The following IQSEC1 variants were observed in gnomAD, a reference collection of about 807,000 sequenced individuals.
IQSEC1 encodes the protein IQ motif and SEC7 domain-containing protein 1.
A neutral mutation model predicts 91.0 loss-of-function variants in IQSEC1; 31 were observed. The ratio of observed to expected loss-of-function variants is 0.34; its 90% confidence interval spans 0.26 to 0.46. The LOEUF (loss-of-function observed/expected upper bound fraction) is 0.46, where lower values mean the gene tolerates loss of function less well. Ranked by LOEUF, IQSEC1 falls within the 20% of genes least tolerant of loss-of-function variation. The pLI is 1.00. For synonymous variants in IQSEC1, 699 were observed against 662.6 expected (o/e 1.05, Z -0.84); for missense variants, 1,388 against 1,575.6 (o/e 0.88, Z 2.02).
rs1696519267 is a variant in IQSEC1 at position 12,920,452 on chromosome 3, C to T, written c.1998G>A (p.Glu666=). ...CACCTCGGAGGTTCTTGATGAAGTCCTCTAGCTTCATTTTCCGCTCGGGCT... is the reference window on the plus strand; with the variant it reads ...CACCTCGGAGGTTCTTGATGAAGTCTTCTAGCTTCATTTTCCGCTCGGGCT... ...NVKPERKMKL[E]DFIKNLRGVD... Residue 666 remains glutamate (E), a synonymous_variant, in exon 6 of 14, where the codon GAG becomes GAA. Coordinates refer to ENST00000613206, the MANE Select transcript of IQSEC1 (RefSeq NM_001134382.3). 6.2e-7 allele frequency: 1 copy of T among 1,614,088 alleles called. No individual in the cohort carries two copies. The highest frequency in any genetic ancestry group is 1.3e-5 in the African/African-American group (1 of 74,950).
intron 2 of IQSEC1, among the ~76,000 whole-genome samples, chr3:13,163,472 C>T (rs2124985020): frequency 6.6e-6 from 1 of 152,174 alleles, no homozygotes; most frequent in East Asian, 1.9e-4. Flanking sequence ...TCTTGGTCCC[C>T]CAGCTCATGC....
At chr3:13,005,049 G>GCTTT (rs1327904750) in intron 1 of IQSEC1, among the ~76,000 whole-genome samples, 3 of 152,156 alleles carry the variant, frequency 2.0e-5, no homozygotes, top group African/African-American at 7.2e-5. Flanking sequence ...AATAGAAGCT[G>GCTTT]CTTTGATAAA....
At chr3:12,958,043 A>AGGGGTGAGGC (rs958967787) in intron 1 of IQSEC1, among the ~76,000 whole-genome samples, 3 of 152,170 alleles carry the variant, frequency 2.0e-5, no homozygotes, top group African/African-American at 7.2e-5. Flanking sequence ...GAAAGTGAGG[A>AGGGGTGAGGC]GGGGTGAGGC....
chr3:12,944,580 C>A lies in IQSEC1; in HGVS notation c.24-2715G>T, dbSNP rs77321106. On this transcript the variant is annotated intron_variant, in intron 1 of 13. Transcript: ENST00000613206. Reference sequence around the variant, plus strand: ...TCCGGCTCGCCTCGTCTTTGCAGCCCGAGGGCACATCACACACGCCCGGGA... The same window carrying A: ...TCCGGCTCGCCTCGTCTTTGCAGCCAGAGGGCACATCACACACGCCCGGGA... Among the ~76,000 whole-genome samples, 12 of 152,338 alleles carry A rather than the reference C, an allele frequency of 7.9e-5. No homozygotes were observed. The East Asian group carries it at 2.3e-3, about 29-fold the overall frequency.
chr3:13,229,444 T>A (rs1694807831), intron 1 of IQSEC1, among the ~76,000 whole-genome samples: 1 of 152,106 alleles, frequency 6.6e-6, no homozygotes, highest in South Asian at 2.1e-4. Flanking sequence ...GCCTTCTGTG[T>A]GACAATTTAA....
intron 1 of IQSEC1, among the ~76,000 whole-genome samples, chr3:13,042,107 A>G (rs890239437): frequency 2.0e-5 from 3 of 152,244 alleles, no homozygotes; most frequent in African/African-American, 7.2e-5. Flanking sequence ...GAGGGAGAGG[A>G]AAGAATAGTT....
chr3:13,030,718 T>C (rs1703812012), intron 1 of IQSEC1, among the ~76,000 whole-genome samples: 1 of 152,264 alleles, frequency 6.6e-6, no homozygotes, highest in Non-Finnish European at 1.5e-5. Flanking sequence ...TGGGTCTTGT[T>C]AGGGCCCTGA....
chr3:12,959,406 A>G (rs1700109179), intron 1 of IQSEC1, among the ~76,000 whole-genome samples: 1 of 151,970 alleles, frequency 6.6e-6, no homozygotes, highest in Admixed American at 6.6e-5. Flanking sequence ...CCCATTCCAC[A>G]CCCCGCCCTC....
chr3:13,237,525 G>A (rs1190830089), intron 1 of IQSEC1, among the ~76,000 whole-genome samples: 2 of 152,204 alleles, frequency 1.3e-5, no homozygotes, highest in African/African-American at 4.8e-5. Flanking sequence ...AGGGCACTCT[G>A]AACCGGTGCA....
In IQSEC1 at chr3:12,900,417, C is replaced by A. The variant is rs187596000; in HGVS notation, c.*566G>T. The A allele has an allele frequency of 9.2e-6, 9 of 982,284 alleles. No individual in the cohort carries two copies. The East Asian group carries it at 1.0e-3, about 112-fold the overall frequency. 60.8% of individuals were successfully genotyped at this position (982,284 alleles called of 1,614,324 possible). ...TGGGTATTGCTAATGTGGACTGAAA[C>A]GCCTGCCTTTCACACACAAGTACTA... On this transcript the variant is annotated 3_prime_UTR_variant, in exon 14 of 14. Transcript: ENST00000613206.
chr3:13,098,565 G>T (rs1046565996), intron 2 of IQSEC1, among the ~76,000 whole-genome samples: 1 of 152,150 alleles, frequency 6.6e-6, no homozygotes, highest in South Asian at 2.1e-4. Context: ...TGAGAAGGGG[G>T]TGAGGGAGGG....
At chr3:13,136,252 G>A (rs1706708181) in intron 2 of IQSEC1, among the ~76,000 whole-genome samples, 1 of 152,204 alleles carries the variant, frequency 6.6e-6, no homozygotes, top group African/African-American at 2.4e-5. Flanking sequence ...GTCCACGTGG[G>A]AAATGAAGGT....
chr3:13,104,724 C>G (rs567353405), intron 2 of IQSEC1, among the ~76,000 whole-genome samples: 3 of 152,346 alleles, frequency 2.0e-5, no homozygotes, highest in East Asian at 1.9e-4. Flanking sequence ...TTCCTCTTCA[C>G]CCCTCACTCC....
intron 10 of IQSEC1, among the ~76,000 whole-genome samples, chr3:12,911,048 C>T (rs1258000933): frequency 6.6e-6 from 1 of 152,200 alleles, no homozygotes; most frequent in African/African-American, 2.4e-5. Context: ...GGTCCCCAGG[C>T]CTCACCCAGG....
At chr3:13,194,304 C>T (rs1244020178) in intron 1 of IQSEC1, among the ~76,000 whole-genome samples, 1 of 152,120 alleles carries the variant, frequency 6.6e-6, no homozygotes, top group African/African-American at 2.4e-5. Flanking sequence ...TCCGCAGCTG[C>T]CTCCCGGCTG....
intron 1 of IQSEC1, among the ~76,000 whole-genome samples, chr3:13,191,683 AG>A (rs1353688259): frequency 6.6e-6 from 1 of 152,194 alleles, no homozygotes; most frequent in African/African-American, 2.4e-5. Context: ...TAGATAAGAA[AG>A]AAACTTTTAA....
Position 13,174,154 on chromosome 3 carries a change from G to A in IQSEC1, c.273-10021C>T, listed in dbSNP as rs1384817358. Among the ~76,000 whole-genome samples the A allele has an allele frequency of 3.9e-5, 6 of 152,168 alleles. No homozygotes were observed. The East Asian group carries it at 9.6e-4, about 24-fold the overall frequency. On this transcript the variant is annotated intron_variant, in intron 1 of 15. Coordinates refer to the IQSEC1 transcript ENST00000648114. ...CAGGTGGCGCCCAGCCTCAGACCCT[G>A]GAATCTGAATCTTGTGCACACAGAA...
intron 1 of IQSEC1, among the ~76,000 whole-genome samples, chr3:13,239,808 G>T (rs1694989637): frequency 6.6e-6 from 1 of 152,260 alleles, no homozygotes; most frequent in Non-Finnish European, 1.5e-5. Context: ...GGACCACGTT[G>T]CGAAGAGGCC....
chr3:13,224,699 C>T (rs548910541), intron 1 of IQSEC1, among the ~76,000 whole-genome samples: 2 of 152,154 alleles, frequency 1.3e-5, no homozygotes, highest in South Asian at 4.2e-4. Flanking sequence ...AGGGTAGCTT[C>T]GACTGTTCCT....
Sources: gnomAD v4.1 joint callset for allele counts (sites outside exome capture counted in the v4.1 genomes callset) on GRCh38, gnomAD v4.1.1 for gene constraint, MANE v1.5 for transcripts, NCBI Gene and HGNC (gene_info 2026-07-23, HGNC 2026-07-21) for gene names.